GALK2: variants seen among roughly 807,000 people sequenced by gnomAD.
GALK2 encodes galactokinase 2, also known as N-acetylgalactosamine kinase.
A neutral mutation model predicts 52.4 loss-of-function variants in GALK2; 36 were observed. The observed-to-expected ratio is 0.69, with a 90% CI of 0.53 to 0.91. The LOEUF (loss-of-function observed/expected upper bound fraction) is 0.91, where lower values mean the gene tolerates loss of function less well. Ranked by LOEUF, GALK2 falls within the 40% of genes least tolerant of loss-of-function variation. The probability of loss-of-function intolerance (pLI) is 0.00; values close to 1 mark genes in which losing one functional copy is unlikely to be tolerated. For missense variants in GALK2, 579 were observed against 559.1 expected, an observed-to-expected ratio of 1.04 and a Z score of -0.36; for synonymous variants, 176 against 199.1, an observed-to-expected ratio of 0.88 and a Z score of 0.98.
intron 5 of GALK2, among the ~76,000 whole-genome samples, chr15:49,255,030 G>A (rs962015402): frequency 7.0e-6 from 1 of 142,856 alleles, no homozygotes; most frequent in Non-Finnish European, 1.6e-5. Context: ...AATTAATTGC[G>A]GACATCACCT....
intron 9 of GALK2, among the ~76,000 whole-genome samples, chr15:49,323,005 A>G (rs1192254438): frequency 6.6e-6 from 1 of 151,930 alleles, no homozygotes; most frequent in Non-Finnish European, 1.5e-5. Flanking sequence ...TCTGGAAAGT[A>G]ATGAGGCAAG....
chr15:49,313,137 C>T (rs933727051), intron 8 of GALK2, among the ~76,000 whole-genome samples: 2 of 152,186 alleles, frequency 1.3e-5, no homozygotes, highest in Non-Finnish European at 2.9e-5. Context: ...GGTAGGTACT[C>T]CTTAGCTCCA....
At chr15:49,334,627 G>A (rs2039383849), downstream of GALK2, among the ~76,000 whole-genome samples, 1 of 152,164 alleles carries the variant, frequency 6.6e-6, no homozygotes, top group Non-Finnish European at 1.5e-5. Context: ...GCGTCTGTGG[G>A]TGGGTGGGCA....
intron 8 of GALK2, among the ~76,000 whole-genome samples, chr15:49,299,735 T>TTTTCTTTCTTTCTTTC (rs869275324): frequency 2.6e-5 from 2 of 77,548 alleles, no homozygotes; most frequent in East Asian, 3.0e-4. Flanking sequence ...TCTTTCTTTC[T>TTTTCTTTCTTTCTTTC]TTTCTTTCTT....
chr15:49,229,862 G>A (rs574647260), intron 3 of GALK2, among the ~76,000 whole-genome samples: 2 of 152,206 alleles, frequency 1.3e-5, no homozygotes, highest in Non-Finnish European at 2.9e-5. Flanking sequence ...CGTTTCCTCG[G>A]GGCACTTGAA....
rs35231463 is a variant in GALK2 at position 49,192,997 on chromosome 15, C to CTTTTTTTT, written c.54-8152_54-8145dup. Among the ~76,000 whole-genome samples, 2 of 67,078 alleles carry CTTTTTTTT rather than the reference C, an allele frequency of 3.0e-5. 1 individual carries two copies. 44.0% of individuals were successfully genotyped at this position (67,078 alleles called of 152,430 possible). A position where few individuals can be genotyped will look rare whatever the true frequency, so the allele number is the denominator to read the frequency against. ...TTTGTTATGAATTTTCTGTTTATAC[C>CTTTTTTTT]TTTTTTTTTTTTTTTTTTTTGATGG... On this transcript the variant is annotated intron_variant, in intron 1 of 9. Coordinates refer to ENST00000560031, the MANE Select transcript of GALK2 (RefSeq NM_002044.4).
chr15:49,247,664 T>C (rs1170618173), intron 5 of GALK2, among the ~76,000 whole-genome samples: 1 of 152,122 alleles, frequency 6.6e-6, no homozygotes, highest in African/African-American at 2.4e-5. Flanking sequence ...TCTAAGAAAA[T>C]GTTAAAGGAA....
At chr15:49,240,010 A>G (rs1387538202) in intron 5 of GALK2, among the ~76,000 whole-genome samples, 3 of 152,328 alleles carry the variant, frequency 2.0e-5, no homozygotes, top group East Asian at 1.9e-4. Context: ...TACATATACT[A>G]CCAGGTTTAC....
chr15:49,291,205 A>C lies in GALK2; in HGVS notation c.757-1122A>C, dbSNP rs531915758. ...TTTGTTTTAAATGACACCATGTTCC[A>C]TGAAATAATTGAACCGAAAATCATA... On this transcript the variant is annotated intron_variant, in intron 7 of 9. Transcript: ENST00000560031. Among the ~76,000 whole-genome samples, 36 of 151,764 alleles carry C rather than the reference A, an allele frequency of 2.4e-4. No individual in the cohort carries two copies. The Middle Eastern group carries it at 0.01, about 43-fold the overall frequency.
At chr15:49,323,953 T>C (rs908041271) in intron 9 of GALK2, among the ~76,000 whole-genome samples, 8 of 152,226 alleles carry the variant, frequency 5.3e-5, no homozygotes, top group Non-Finnish European at 8.8e-5. Context: ...TTATAAAGTA[T>C]CTTTTGTAGC....
At chr15:49,202,757 A>G (rs917992353) in intron 2 of GALK2, among the ~76,000 whole-genome samples, 1 of 152,176 alleles carries the variant, frequency 6.6e-6, no homozygotes, top group African/African-American at 2.4e-5. Flanking sequence ...TTCTATTTTT[A>G]GTTTTTTGAG....
At chr15:49,321,753 G>A (rs1222305834) in intron 9 of GALK2, among the ~76,000 whole-genome samples, 1 of 152,174 alleles carries the variant, frequency 6.6e-6, no homozygotes, top group Non-Finnish European at 1.5e-5. Flanking sequence ...TCTCCCCTTG[G>A]GTTATACTAA....
intron 5 of GALK2, among the ~76,000 whole-genome samples, chr15:49,272,508 G>A (rs1407316054): frequency 1.3e-5 from 2 of 152,152 alleles, no homozygotes; most frequent in Non-Finnish European, 2.9e-5. Flanking sequence ...GATTGTGCAC[G>A]TTTAACCAGT....
intron 2 of GALK2, among the ~76,000 whole-genome samples, chr15:49,215,359 T>G (rs1177511459): frequency 6.6e-6 from 1 of 152,208 alleles, no homozygotes; most frequent in Non-Finnish European, 1.5e-5. Context: ...AGCCAATAAC[T>G]CTTAGATTTG....
chr15:49,170,050 C>T (rs2084957462), upstream of GALK2: 2 of 539,692 alleles, frequency 3.7e-6, no homozygotes, highest in Non-Finnish European at 6.1e-6. Context: ...GCAGGGGCTC[C>T]TGCGAGGCCC....
At chr15:49,234,949 T>G (rs937884689) in intron 3 of GALK2, among the ~76,000 whole-genome samples, 4 of 152,052 alleles carry the variant, frequency 2.6e-5, no homozygotes, top group Admixed American at 1.3e-4. Context: ...GTGTTTTTAG[T>G]AGAGACAGGG....
chr15:49,185,311 A>G (rs1367182678), intron 1 of GALK2, among the ~76,000 whole-genome samples: 2 of 151,658 alleles, frequency 1.3e-5, no homozygotes, highest in African/African-American at 4.8e-5. Flanking sequence ...ATATGGTATT[A>G]CTCTTTTTTA....
At chr15:49,192,879 G>C (rs1169602084) in intron 1 of GALK2, among the ~76,000 whole-genome samples, 1 of 151,918 alleles carries the variant, frequency 6.6e-6, no homozygotes, top group African/African-American at 2.4e-5. Flanking sequence ...CTAACTCCTG[G>C]CCTCAAGCAA....
chr15:49,214,775 G>A (rs1251639255), intron 2 of GALK2, among the ~76,000 whole-genome samples: 1 of 152,104 alleles, frequency 6.6e-6, no homozygotes, highest in East Asian at 1.9e-4. Flanking sequence ...TACAGTGTTA[G>A]AGTATTCTGT....
Sources: allele counts gnomAD v4.1 joint callset (sites outside exome capture counted in the v4.1 genomes callset), GRCh38; gene constraint gnomAD v4.1.1; transcripts MANE v1.5; gene names NCBI Gene and HGNC (gene_info 2026-07-23, HGNC 2026-07-21).